IL10RB: variants seen among roughly 807,000 people sequenced by gnomAD.
IL10RB encodes the protein interleukin-10 receptor subunit beta.
A neutral mutation model predicts 38.7 loss-of-function variants in IL10RB; 30 were observed. That is an observed-to-expected ratio of 0.78 (90% CI 0.58 to 1.05). The LOEUF is 1.05. Among genes scored for constraint, IL10RB ranks in the 50% least tolerant of loss-of-function variants. IL10RB has a pLI of 0.00. For synonymous variants in IL10RB, 142 were observed against 145.9 expected (o/e 0.97, Z 0.19); for missense variants, 328 against 397.1 (o/e 0.83, Z 1.48).
intron 1 of IL10RB, chr21:33,308,305 GC>G (rs1414456779): frequency 3.3e-5 from 5 of 152,168 alleles, no homozygotes; most frequent in African/African-American, 1.2e-4. Context: ...ACAGATAGGA[GC>G]TTTTGCTTCA....
chr21:33,295,735 A>ATT (rs1279873650), intron 6 of IL10RB, among the ~76,000 whole-genome samples: 2 of 151,842 alleles, frequency 1.3e-5, no homozygotes, highest in East Asian at 3.9e-4. Flanking sequence ...TAAAAAAATA[A>ATT]AATAAAAATA....
chr21:33,288,130 G>C lies in IL10RB; in HGVS notation c.673G>C (p.Val225Leu), dbSNP rs765506701. Residue 225 changes from valine (V) to leucine (L), a missense_variant, in exon 6 of 7, where the codon GTC becomes CTC. Physicochemically the swap from Val to Leu is conservative, Grantham distance 32. Coordinates refer to ENST00000290200, the MANE Select transcript of IL10RB (RefSeq NM_000628.5). Reference protein sequence around the residue: ...DETVPSWMVAVILMASVFMVC... With the variant: ...DETVPSWMVALILMASVFMVC... ...AACGGTCCCCTCCTGGATGGTGGCC[G>C]TCATCCTCATGGCCTCGGTCTTCAT... The C allele has an allele frequency of 6.2e-7, 1 of 1,614,036 alleles. No individual in the cohort carries two copies.
chr21:33,268,555 G>A, intron 2 of IL10RB, 38 bp downstream of exon 2: 9 of 1,460,408 alleles, frequency 6.2e-6, no homozygotes, highest in Non-Finnish European at 8.6e-6. Context: ...ACGCACCGGA[G>A]GAGCCAGCCC....
chr21:33,269,041 A>C (rs1301076842), intron 2 of IL10RB, among the ~76,000 whole-genome samples: 1 of 152,194 alleles, frequency 6.6e-6, no homozygotes, highest in Non-Finnish European at 1.5e-5. Flanking sequence ...TGCGCGATGC[A>C]CATAATTTGC....
At chr21:33,305,097 C>CTAAGT (rs1202827268) in intron 1 of IL10RB, among the ~76,000 whole-genome samples, 1 of 152,122 alleles carries the variant, frequency 6.6e-6, no homozygotes, top group African/African-American at 2.4e-5. Context: ...ATCCCTGGTT[C>CTAAGT]TAAGTCTTCA....
chr21:33,270,726 G>A (rs1829691930), intron 2 of IL10RB, among the ~76,000 whole-genome samples: 1 of 147,128 alleles, frequency 6.8e-6, no homozygotes, highest in Non-Finnish European at 1.5e-5. Flanking sequence ...CAAGGCTGGA[G>A]TGCAGTGGTA....
intron 2 of IL10RB, among the ~76,000 whole-genome samples, chr21:33,270,674 T>G (rs76287904): frequency 6.9e-5 from 9 of 129,918 alleles, no homozygotes; most frequent in Non-Finnish European, 1.3e-4. Flanking sequence ...GCGCCCAGCC[T>G]TTTTTTTTTT....
intron 6 of IL10RB, among the ~76,000 whole-genome samples, chr21:33,293,428 C>T (rs1438317779): frequency 6.6e-6 from 1 of 152,172 alleles, no homozygotes; most frequent in Non-Finnish European, 1.5e-5. Flanking sequence ...GCGCCTCCTC[C>T]ACAAAAGGGA....
downstream of IL10RB, among the ~76,000 whole-genome samples, chr21:33,300,583 G>A (rs11088248): frequency 0.2 from 31,175 of 152,152 alleles, 3,311 homozygotes; most frequent in East Asian, 0.39. Flanking sequence ...TATGCAAAGT[G>A]AAAGAAAACA....
intron 2 of IL10RB, among the ~76,000 whole-genome samples, chr21:33,272,261 G>C (rs1989095981): frequency 6.6e-6 from 1 of 152,124 alleles, no homozygotes; most frequent in Admixed American, 6.5e-5. Context: ...CAGTTGGGCA[G>C]ATTTCTTAGG....
At chr21:33,299,543 C>T (rs1232925179), downstream of IL10RB, among the ~76,000 whole-genome samples, 3 of 152,168 alleles carry the variant, frequency 2.0e-5, no homozygotes, top group African/African-American at 7.2e-5. Flanking sequence ...CCTTTTGGGG[C>T]TCCTGCCCCT....
chr21:33,268,224 C>A, intron 1 of IL10RB, 170 bp from the exon 2 acceptor site: 1 of 1,523,536 alleles, frequency 6.6e-7, no homozygotes. Flanking sequence ...CACGGCTGTT[C>A]AAAGAAAATC....
rs1241701217 is a variant in IL10RB, at chr21:33,266,369, C to T, written c.-97C>T. The T allele has an allele frequency of 1.4e-6, 2 of 1,403,770 alleles. No individual in the cohort carries two copies. Among genetic ancestry groups the T allele is most frequent in the Non-Finnish European group, 1.9e-6 (2 of 1,035,646 alleles). The allele number at this position is 1,403,770 out of a possible 1,614,324, so 87.0% of individuals were successfully genotyped here. Reference sequence around the variant, plus strand: ...CCCCTCCCCACCCCGCCCCGCCCATCTCCGCTGGTTCCCGGAAGCCGCCGC... The same window carrying T: ...CCCCTCCCCACCCCGCCCCGCCCATTTCCGCTGGTTCCCGGAAGCCGCCGC... On this transcript the variant is annotated 5_prime_UTR_variant, in exon 1 of 7. Coordinates refer to ENST00000290200, the MANE Select transcript of IL10RB (RefSeq NM_000628.5).
intron 3 of IL10RB, 147 bp from the exon 4 acceptor site, chr21:33,279,605 C>A: frequency 2.7e-6 from 2 of 739,210 alleles, no homozygotes; most frequent in Non-Finnish European, 4.9e-6. Flanking sequence ...AACTACCCTT[C>A]TTAGCCATGT....
rs1434542078 is a variant in IL10RB, at chr21:33,287,973, GC to G, written c.647-130del. On this transcript the variant is annotated intron_variant, in intron 5 of 6. Coordinates refer to ENST00000290200, the MANE Select transcript of IL10RB (RefSeq NM_000628.5). ...AAACCTCTGGGTCCTCCAACCAGTT[GC>G]TGTTTCTGAGACGTCCCCCAAGATA... 16 of 876,362 alleles carry G rather than the reference GC, an allele frequency of 1.8e-5. 1 individual carries two copies. In the South Asian group the frequency reaches 2.0e-4, roughly 11 times the overall value. 54.3% of individuals were successfully genotyped at this position (876,362 alleles called of 1,614,324 possible).
chr21:33,276,049 C>T (rs1420012927), intron 2 of IL10RB, among the ~76,000 whole-genome samples: 1 of 152,122 alleles, frequency 6.6e-6, no homozygotes, highest in Non-Finnish European at 1.5e-5. Context: ...AAAATGGCAC[C>T]AATAGACTTG....
At chr21:33,267,757 T>C (rs2123559753) in intron 1 of IL10RB, among the ~76,000 whole-genome samples, 2 of 152,196 alleles carry the variant, frequency 1.3e-5, no homozygotes, top group South Asian at 4.1e-4. Flanking sequence ...CTCAGGTGAT[T>C]CACCTTCCTC....
intron 2 of IL10RB, 105 bp downstream of exon 2, chr21:33,268,622 G>C (rs1989018538): frequency 1.2e-6 from 1 of 841,400 alleles, no homozygotes; most frequent in African/African-American, 1.7e-5. Context: ...CGGTCACCGT[G>C]TGACTGTGAC....
chr21:33,274,274 CT>C (rs1989132162), intron 2 of IL10RB, among the ~76,000 whole-genome samples: 1 of 152,144 alleles, frequency 6.6e-6, no homozygotes, highest in African/African-American at 2.4e-5. Context: ...CTGCCTCCAC[CT>C]CCCAGGTTCA....
Sources: allele counts gnomAD v4.1 joint callset (sites outside exome capture counted in the v4.1 genomes callset), GRCh38; gene constraint gnomAD v4.1.1; transcripts MANE v1.5; gene names NCBI Gene and HGNC (gene_info 2026-07-23, HGNC 2026-07-21).